Variants in LSS observed in about 807,000 individuals in gnomAD.
LSS encodes the protein 2,3-epoxysqualene-lanosterol cyclase.
LSS carries 90 observed loss-of-function variants against 110.3 expected under a neutral mutation model. The ratio of observed to expected loss-of-function variants is 0.82; its 90% CI spans 0.69 to 0.97. The LOEUF (loss-of-function observed/expected upper bound fraction) is 0.97. Among genes scored for constraint, LSS ranks in the 50% least tolerant of loss-of-function variants. LSS has a pLI of 0.00. For missense variants in LSS, 927 were observed against 990.0 expected (o/e 0.94, Z 0.85); for synonymous variants, 433 against 400.0 (o/e 1.08, Z -0.98).
chr21:46,211,395 T>C (rs563406447), intron 11 of LSS, among the ~76,000 whole-genome samples: 1,898 of 152,226 alleles, frequency 0.012, 46 homozygotes, highest in African/African-American at 0.043. Context: ...TCCCAAAGTG[T>C]AGGGATTACA....
intron 17 of LSS, among the ~76,000 whole-genome samples, chr21:46,204,947 A>G (rs1267727290): frequency 6.6e-6 from 1 of 152,230 alleles, no homozygotes; most frequent in Non-Finnish European, 1.5e-5. Context: ...GCAATATATA[A>G]AAAGGACAGT....
chr21:46,222,841 CCTT>C lies in LSS; in HGVS notation c.320-106_320-104del, dbSNP rs944661048. 5.4e-5 allele frequency: 44 copies of C among 819,586 alleles called. No individual in the cohort carries two copies. In the African/African-American group the frequency reaches 7.3e-4, roughly 14 times the overall value. 50.8% of individuals were successfully genotyped at this position (819,586 alleles called of 1,614,324 possible). ...ACCTCACTCCAACAGGGAGCTACCT[CCTT>C]CTCATAAAAACACCCCCTGGAAAGG... On this transcript the variant is annotated intron_variant, in intron 3 of 21. Coordinates refer to ENST00000397728, the MANE Select transcript of LSS (RefSeq NM_002340.6).
At chr21:46,215,589 C>T (rs1043649597) in intron 8 of LSS, 96 bp downstream of exon 8, 2 of 845,114 alleles carry the variant, frequency 2.4e-6, no homozygotes, top group African/African-American at 3.4e-5. Flanking sequence ...GAGGAGGTGG[C>T]CCAGTGCCGC....
At chr21:46,221,755 T>C in intron 5 of LSS, 99 bp downstream of exon 5, 1 of 1,547,754 alleles carries the variant, frequency 6.5e-7, no homozygotes, top group South Asian at 1.2e-5. Flanking sequence ...TTTTGCCCAC[T>C]GTTTCAGCTG....
In LSS at chr21:46,209,474, GGTGGGCA is replaced by G. The variant is rs2080098725; in HGVS notation, c.1266+73_1266+79del. 7.7e-7 allele frequency: 1 copy of G among 1,295,130 alleles called. No individual in the cohort carries two copies. Among genetic ancestry groups the G allele is most frequent in the Admixed American group, 2.2e-5 (1 of 45,238 alleles). The allele number at this position is 1,295,130 out of a possible 1,614,324, so 80.2% of individuals were successfully genotyped here. A position where few individuals can be genotyped will look rare whatever the true frequency, so the allele number is the denominator to read the frequency against. On this transcript the variant is annotated intron_variant, in intron 13 of 21. Coordinates refer to ENST00000397728, the MANE Select transcript of LSS (RefSeq NM_002340.6). This position sits in a 1 kb window ranked among gnomAD's most constrained non-coding sequence, Gnocchi z 4.4. ...AGGAAATAGGGCAGGGTGGAGGTGA[GGTGGGCA>G]CTTCTGCCTGCAGGAGCTCCCAGCC...
chr21:46,228,384 C>G (rs1357744743), intron 2 of LSS, 50 bp downstream of exon 2: 3 of 1,588,586 alleles, frequency 1.9e-6, no homozygotes, highest in Non-Finnish European at 2.6e-6. Context: ...CTCCTCACGG[C>G]TCACCCCTCA....
chr21:46,203,700 C>T (rs560145600), intron 17 of LSS, among the ~76,000 whole-genome samples: 13 of 152,310 alleles, frequency 8.5e-5, no homozygotes, highest in Non-Finnish European at 1.6e-4. Flanking sequence ...GACACAGTGC[C>T]CTCCTAGCTG....
chr21:46,222,917 G>GGAA (rs781459080), intron 3 of LSS, among the ~76,000 whole-genome samples, 179 bp from the exon 4 acceptor site: 2 of 152,218 alleles, frequency 1.3e-5, no homozygotes, highest in Non-Finnish European at 2.9e-5. Context: ...AGGGCCAGAA[G>GGAA]GAACGTCAGC....
chr21:46,203,765 C>T (rs1246020354), intron 17 of LSS, among the ~76,000 whole-genome samples: 4 of 152,220 alleles, frequency 2.6e-5, no homozygotes, highest in Non-Finnish European at 4.4e-5. Flanking sequence ...AAAAAAACCA[C>T]ACCAGAACAT....
At chr21:46,218,097 C>T (rs2080229907) in intron 6 of LSS, among the ~76,000 whole-genome samples, 1 of 132,550 alleles carries the variant, frequency 7.5e-6, no homozygotes, top group South Asian at 3.0e-4. Context: ...TAACTTGACC[C>T]CCCACCCCCC....
At chr21:46,197,897 C>CA (rs1480380600) in intron 17 of LSS, among the ~76,000 whole-genome samples, 1 of 147,594 alleles carries the variant, frequency 6.8e-6, no homozygotes, top group Non-Finnish European at 1.5e-5. Flanking sequence ...AAAAAAAAAA[C>CA]AAAAAACAAA....
chr21:46,227,104 C>T (rs540388140), intron 3 of LSS, among the ~76,000 whole-genome samples: 1 of 152,296 alleles, frequency 6.6e-6, no homozygotes, highest in African/African-American at 2.4e-5. Flanking sequence ...CCAGGCAGTC[C>T]AACTGCTATG....
intron 3 of LSS, among the ~76,000 whole-genome samples, chr21:46,223,501 C>T (rs1462923271): frequency 1.3e-5 from 2 of 152,152 alleles, no homozygotes; most frequent in African/African-American, 2.4e-5. Context: ...CCAGACATGC[C>T]CTGTGTGGGC....
In LSS at chr21:46,206,784, G is replaced by A; in HGVS notation, c.1468-16C>T. ...TGTTCAGCAGCTGAAATCACAGAGA[G>A]CACCCTAGAACTCGCCCATGTGCTG... On this transcript the variant is annotated splice_polypyrimidine_tract_variant and intron_variant, in intron 15 of 21. Coordinates refer to ENST00000397728, the MANE Select transcript of LSS (RefSeq NM_002340.6). 1.2e-6 allele frequency: 2 copies of A among 1,600,498 alleles called. No individual in the cohort carries two copies. The highest frequency in any genetic ancestry group is 1.7e-6 in the Non-Finnish European group (2 of 1,172,624).
At chr21:46,226,491 C>T (rs2123767308) in intron 3 of LSS, among the ~76,000 whole-genome samples, 1 of 152,350 alleles carries the variant, frequency 6.6e-6, no homozygotes, top group South Asian at 2.1e-4. Context: ...AAACTCAATG[C>T]TGTACAGTCC....
At chr21:46,215,961 GGGA>G (rs2080202382) in intron 7 of LSS, among the ~76,000 whole-genome samples, 168 bp from the exon 8 acceptor site, 1 of 152,084 alleles carries the variant, frequency 6.6e-6, no homozygotes, top group Admixed American at 6.5e-5. Context: ...GGCCCCCTAT[GGGA>G]GGACCGCTCT....
Position 46,205,838 on chromosome 21 carries a change from G to C in LSS, c.1668C>G (p.Ile556Met), listed in dbSNP as rs1421576377. 2 of 1,600,652 alleles carry C rather than the reference G, an allele frequency of 1.2e-6. No homozygotes were observed. Among genetic ancestry groups the C allele is most frequent in the African/African-American group, 2.7e-5 (2 of 74,968 alleles). Residue 556 changes from isoleucine to methionine, a missense_variant and splice_region_variant, in exon 17 of 22, where the codon ATC becomes ATG. Coordinates refer to ENST00000397728, the MANE Select transcript of LSS (RefSeq NM_002340.6). Reference protein sequence around the residue: ...KRFPEHRAAEIRETLTQGLEF... With the variant: ...KRFPEHRAAEMRETLTQGLEF... Reference sequence around the variant, plus strand: ...TGAATGGCTGAGACCCTCCTTACCGGATCTCCGCTGCCCTGTGCTCCGGGA... The same window carrying C: ...TGAATGGCTGAGACCCTCCTTACCGCATCTCCGCTGCCCTGTGCTCCGGGA...
rs144462108 is a variant in LSS, at chr21:46,213,807, C to T, written c.1040G>A (p.Arg347His). 2.0e-5 allele frequency: 32 copies of T among 1,613,862 alleles called. No individual in the cohort carries two copies. The highest frequency in any genetic ancestry group is 4.0e-5 in the African/African-American group (3 of 74,920). Reference sequence around the variant, plus strand: ...GGAGGCGGGCCCGTCCACATACCAGCGCACAAGCATGTTGATGGTTTTCGA... The same window carrying T: ...GGAGGCGGGCCCGTCCACATACCAGTGCACAAGCATGTTGATGGTTTTCGA... Reference protein sequence around the residue: ...PISKTINMLVRWYVDGPASTA... With the variant: ...PISKTINMLVHWYVDGPASTA... Residue 347 changes from arginine (R) to histidine (H), a missense_variant, in exon 10 of 22, where the codon CGC (arginine) becomes CAC (histidine). Physicochemically the swap from Arg to His is conservative, Grantham distance 29. Coordinates refer to ENST00000397728, the MANE Select transcript of LSS (RefSeq NM_002340.6).
chr21:46,196,103 A>G, intron 18 of LSS, 99 bp downstream of exon 18: 5 of 1,228,692 alleles, frequency 4.1e-6, no homozygotes, highest in Non-Finnish European at 5.9e-6. Context: ...CTTCTGGTGT[A>G]GCAACAACAT....
Sources: allele counts gnomAD v4.1 joint callset (sites outside exome capture counted in the v4.1 genomes callset), GRCh38; gene constraint gnomAD v4.1.1; non-coding constraint Gnocchi (gnomAD v3.1); transcripts MANE v1.5; gene names NCBI Gene and HGNC (gene_info 2026-07-23, HGNC 2026-07-21).